WDR26: variants seen among roughly 807,000 people sequenced by gnomAD.
WDR26 encodes the protein WD repeat-containing protein 26.
A neutral mutation model predicts 84.1 loss-of-function variants in WDR26; 5 were observed. That is an observed-to-expected ratio of 0.06 (90% confidence interval 0.03 to 0.13). The LOEUF (loss-of-function observed/expected upper bound fraction) is 0.13. Among genes scored for constraint, WDR26 ranks in the 10% least tolerant of loss-of-function variants. The pLI is 1.00. For missense variants in WDR26, 642 were observed against 974.9 expected (o/e 0.66, Z 4.55); for synonymous variants, 415 against 389.6 (o/e 1.07, Z -0.77).
intron 12 of WDR26, among the ~76,000 whole-genome samples, chr1:224,396,295 T>C (rs1673257956): frequency 6.6e-6 from 1 of 152,166 alleles, no homozygotes; most frequent in Admixed American, 6.5e-5. Flanking sequence ...TACATAATTT[T>C]AAGTACCTCT....
chr1:224,390,493 T>C (rs1248837061), intron 13 of WDR26, among the ~76,000 whole-genome samples: 3 of 152,330 alleles, frequency 2.0e-5, no homozygotes, highest in East Asian at 1.9e-4. Context: ...ATAGCTACAA[T>C]AGTAAAGAGG....
At chr1:224,403,380 A>C (rs1031209423) in intron 8 of WDR26, among the ~76,000 whole-genome samples, 8 of 152,222 alleles carry the variant, frequency 5.3e-5, no homozygotes, top group African/African-American at 1.9e-4. Flanking sequence ...ATGTATGTAC[A>C]AACAAAATAT....
At chr1:224,392,293 G>A (rs978460650) in intron 13 of WDR26, among the ~76,000 whole-genome samples, 3 of 151,826 alleles carry the variant, frequency 2.0e-5, no homozygotes, top group East Asian at 3.9e-4. Context: ...CCCAGGAGGC[G>A]GAGCTTGCAG....
At chr1:224,394,629 C>G (rs752805226) in intron 12 of WDR26, among the ~76,000 whole-genome samples, 1 of 151,870 alleles carries the variant, frequency 6.6e-6, no homozygotes, top group Non-Finnish European at 1.5e-5. Context: ...CTCAGCCTCC[C>G]GAGTAGCTGG....
chr1:224,389,824 C>G lies in WDR26; in HGVS notation c.*11G>C. 7.5e-7 allele frequency: 1 copy of G among 1,324,672 alleles called. No homozygotes were observed. The highest frequency in any genetic ancestry group is 9.9e-7 in the Non-Finnish European group (1 of 1,012,288). 82.1% of individuals were successfully genotyped at this position (1,324,672 alleles called of 1,614,324 possible). A position where few individuals can be genotyped will look rare whatever the true frequency, so the allele number is the denominator to read the frequency against. ...TAAGTTAAACAGAAGTCGTCTGCTCCAAATTCACCATCAACTATCCATGCT... is the reference window on the plus strand; with the variant it reads ...TAAGTTAAACAGAAGTCGTCTGCTCGAAATTCACCATCAACTATCCATGCT... On this transcript the variant is annotated 3_prime_UTR_variant, in exon 14 of 14. Transcript: ENST00000414423.
chr1:224,388,709 G>T lies in WDR26; in HGVS notation c.*1126C>A, dbSNP rs1673048578. The T allele has an allele frequency of 1.3e-5, 2 of 152,582 alleles. No individual in the cohort carries two copies. Among genetic ancestry groups the T allele is most frequent in the South Asian group, 4.1e-4 (2 of 4,832 alleles). 9.5% of individuals were successfully genotyped at this position (152,582 alleles called of 1,614,324 possible). ...TTTTAATCCCAGTTTAAGTATGTCT[G>T]TAACCTGCTGAATTCTTCTAATAAT... On this transcript the variant is annotated 3_prime_UTR_variant, in exon 14 of 14. Coordinates refer to ENST00000414423, the MANE Select transcript of WDR26 (RefSeq NM_001379403.1).
Position 224,434,416 on chromosome 1 carries a change from C to T in WDR26, c.-11G>A. The T allele has an allele frequency of 1.7e-6, 1 of 603,754 alleles. No individual in the cohort carries two copies. Among genetic ancestry groups the T allele is most frequent in the African/African-American group, 2.5e-5 (1 of 40,688 alleles). 37.4% of individuals were successfully genotyped at this position (603,754 alleles called of 1,614,324 possible). ...GCCGAGAGAGGCCGTGGTGGGAAGC[C>T]GGTGGGGCGAGGCGGGGGAGGGGAG... On this transcript the variant is annotated 5_prime_UTR_variant, in exon 1 of 14. Transcript: ENST00000414423.
intron 7 of WDR26, among the ~76,000 whole-genome samples, 161 bp from the exon 8 acceptor site, chr1:224,404,731 C>T (rs981926727): frequency 6.6e-6 from 1 of 152,190 alleles, no homozygotes; most frequent in Non-Finnish European, 1.5e-5. Flanking sequence ...AAGACTCATT[C>T]ACATTGCAAC....
In WDR26 at chr1:224,413,597, A is replaced by G. The variant is rs574733169; in HGVS notation, c.1320-2032T>C. 3.0e-3 allele frequency among the ~76,000 whole-genome samples: 453 copies of G among 152,222 alleles called. 2 individuals are homozygous for G. The highest frequency in any genetic ancestry group is 0.01 in the African/African-American group (433 of 41,542). On this transcript the variant is annotated intron_variant, in intron 6 of 13. Transcript: ENST00000414423. ...TGCTCATGGAAGTACTATTATCCCC[A>G]TTTTCATGAGGCTCAAAGAGGACAA...
rs980937687 is a variant in WDR26, at chr1:224,393,972, T to C, written c.2116A>G (p.Ile706Val). 12 of 1,542,858 alleles carry C rather than the reference T, an allele frequency of 7.8e-6. No homozygotes were observed. The highest frequency in any genetic ancestry group is 2.3e-5 in the East Asian group (1 of 43,854). ...CGTGTGTGCCCTGTCAGCTCCGCAA[T>C]TGGCAGTTCACTACGTTTGTGCCAG... is the stretch of plus-strand genomic sequence containing the variant. Residue 706 changes from isoleucine (I) to valine (V), a missense_variant, in exon 13 of 14, where the codon ATT becomes GTT. Transcript: ENST00000414423.
At chr1:224,398,460 A>T in intron 11 of WDR26, 55 bp downstream of exon 11, 1 of 1,453,176 alleles carries the variant, frequency 6.9e-7, no homozygotes, top group Non-Finnish European at 9.4e-7. Context: ...AATAACAGTT[A>T]AAATAAAACT....
intron 6 of WDR26, among the ~76,000 whole-genome samples, chr1:224,414,336 G>A (rs981305863): frequency 6.7e-6 from 1 of 149,700 alleles, no homozygotes; most frequent in African/African-American, 2.5e-5. Flanking sequence ...AAACTCCTGG[G>A]CTCAAGTGAT....
At chr1:224,389,914 G>C in intron 13 of WDR26, 54 bp from the exon 14 acceptor site, 1 of 1,206,294 alleles carries the variant, frequency 8.3e-7, no homozygotes, top group South Asian at 1.4e-5. Flanking sequence ...GGGAAGAGGG[G>C]AAGGAGAGAA....
In WDR26 at chr1:224,434,678, C is replaced by G; in HGVS notation, c.-273G>C. ...CGGGGCCCGCCGCTGGGCTGAGCCC[C>G]GGCAGTGGCTGCGGCGGCGGCGGCG... is the stretch of plus-strand genomic sequence containing the variant. On this transcript the variant is annotated 5_prime_UTR_variant, in exon 1 of 14. Coordinates refer to ENST00000414423, the MANE Select transcript of WDR26 (RefSeq NM_001379403.1). 5.8e-6 allele frequency: 5 copies of G among 863,842 alleles called. No individual in the cohort carries two copies. Among genetic ancestry groups the G allele is most frequent in the Non-Finnish European group, 6.9e-6 (5 of 720,960 alleles). 53.5% of individuals were successfully genotyped at this position (863,842 alleles called of 1,614,324 possible).
At chr1:224,410,910 T>C (rs1673721097) in intron 7 of WDR26, among the ~76,000 whole-genome samples, 1 of 152,114 alleles carries the variant, frequency 6.6e-6, no homozygotes, top group Non-Finnish European at 1.5e-5. Flanking sequence ...CAGGCTGCTC[T>C]TGAACTCCTG....
chr1:224,431,248 ATAT>A, intron 3 of WDR26: 1 of 418,070 alleles, frequency 2.4e-6, no homozygotes, highest in Non-Finnish European at 4.3e-6. Context: ...AGCTTTCAAT[ATAT>A]TTTTTGTAGA....
chr1:224,408,154 A>G (rs1358471121), intron 7 of WDR26, among the ~76,000 whole-genome samples: 1 of 151,978 alleles, frequency 6.6e-6, no homozygotes, highest in African/African-American at 2.4e-5. Flanking sequence ...ATTAACCTCA[A>G]CTCTAGTCTA....
intron 7 of WDR26, among the ~76,000 whole-genome samples, chr1:224,405,245 A>G (rs756784513): frequency 6.6e-6 from 1 of 152,220 alleles, no homozygotes; most frequent in Non-Finnish European, 1.5e-5. Context: ...TCCGTGTTAT[A>G]GAATGTATTA....
chr1:224,431,433 TA>T, intron 3 of WDR26, 43 bp downstream of exon 3: 1 of 1,567,668 alleles, frequency 6.4e-7, no homozygotes, highest in Non-Finnish European at 8.8e-7. Flanking sequence ...AATAACCTAC[TA>T]AAATAAGCAT....
Sources: gnomAD v4.1 joint callset for allele counts (sites outside exome capture counted in the v4.1 genomes callset) on GRCh38, gnomAD v4.1.1 for gene constraint, MANE v1.5 for transcripts, NCBI Gene and HGNC (gene_info 2026-07-23, HGNC 2026-07-21) for gene names.